SPAG6: variants seen among roughly 807,000 people sequenced by gnomAD.
SPAG6 encodes the protein sperm-associated antigen 6.
In SPAG6, 49 loss-of-function variants were observed where a neutral mutation model predicts 58.5. The observed-to-expected ratio is 0.84, with a 90% CI of 0.67 to 1.06. SPAG6 has a LOEUF of 1.06. SPAG6 is among the 50% of genes least tolerant of loss of function. The pLI, the probability that SPAG6 is intolerant of heterozygous loss-of-function variation, is 0.00. For missense variants in SPAG6, 560 were observed against 611.3 expected, an observed-to-expected ratio of 0.92 and a Z score of 0.89; for synonymous variants, 233 against 225.6, an observed-to-expected ratio of 1.03 and a Z score of -0.29.
chr10:22,368,543 C>G lies in SPAG6; in HGVS notation c.337C>G (p.His113Asp), dbSNP rs1186558213. The G allele has an allele frequency of 1.2e-6, 2 of 1,613,906 alleles. No individual in the cohort carries two copies. The highest frequency in any genetic ancestry group is 2.2e-5 in the South Asian group (2 of 91,064). ...CTTTGTGTTACGAGCAGTTGGTAAACATTCTCCCCAGCTAGCTCAGGCAAT... is the reference window on the plus strand; with the variant it reads ...CTTTGTGTTACGAGCAGTTGGTAAAGATTCTCCCCAGCTAGCTCAGGCAAT... ...AAFVLRAVGKHSPQLAQAIVD... is the reference protein window; with the variant it reads ...AAFVLRAVGKDSPQLAQAIVD... The change falls in exon 4 of 11, where the codon CAT becomes GAT. Residue 113 changes from histidine to aspartate, a missense_variant. By Grantham distance (81) the His-to-Asp change is moderately conservative (BLOSUM62 -1). Transcript: ENST00000376624.
intron 9 of SPAG6, among the ~76,000 whole-genome samples, chr10:22,404,975 T>C (rs1248960982): frequency 1.3e-5 from 2 of 151,818 alleles, no homozygotes; most frequent in South Asian, 2.1e-4. Context: ...GTGATTTTTG[T>C]ACATTGATTT....
intron 4 of SPAG6, among the ~76,000 whole-genome samples, chr10:22,374,693 T>C (rs1833778311): frequency 6.6e-6 from 1 of 151,860 alleles, no homozygotes; most frequent in Non-Finnish European, 1.5e-5. Flanking sequence ...GGAGGATCAC[T>C]TGAGCCCAGG....
chr10:22,414,074 G>A (rs927751292), intron 10 of SPAG6, among the ~76,000 whole-genome samples: 1 of 152,070 alleles, frequency 6.6e-6, no homozygotes, highest in Non-Finnish European at 1.5e-5. Context: ...TTCTGGGCCT[G>A]GCTTACTCCA....
At chr10:22,366,991 G>C (rs142365508) in intron 3 of SPAG6, among the ~76,000 whole-genome samples, 1 of 150,814 alleles carries the variant, frequency 6.6e-6, no homozygotes, top group East Asian at 1.9e-4. Context: ...GAGGTACAAA[G>C]TCCTGTGGTT....
At chr10:22,412,617 C>T in intron 10 of SPAG6, 1 of 638,808 alleles carries the variant, frequency 1.6e-6, no homozygotes, top group Non-Finnish European at 2.5e-6. Context: ...TGTCTCCAGG[C>T]TGGAGTGCAG....
At chr10:22,412,988 C>G (rs1834776695) in intron 10 of SPAG6, 1 of 149,600 alleles carries the variant, frequency 6.7e-6, no homozygotes, top group Admixed American at 6.6e-5. Flanking sequence ...GAATATGTGT[C>G]CCTTCACGAA....
At chr10:22,354,035 A>G (rs1813711075) in intron 2 of SPAG6, among the ~76,000 whole-genome samples, 1 of 152,324 alleles carries the variant, frequency 6.6e-6, no homozygotes, top group East Asian at 1.9e-4. Flanking sequence ...AGAAGAAACA[A>G]GTCTAATTAT....
At chr10:22,347,041 G>T (rs1030445080) in intron 2 of SPAG6, among the ~76,000 whole-genome samples, 15 of 151,490 alleles carry the variant, frequency 9.9e-5, no homozygotes, top group Non-Finnish European at 1.9e-4. Context: ...TTAATTGTTC[G>T]TGTGTGTGTG....
Position 22,376,259 on chromosome 10 carries a change from C to T in SPAG6, c.472+7581C>T, listed in dbSNP as rs538181235. 3.9e-5 allele frequency among the ~76,000 whole-genome samples: 6 copies of T among 151,906 alleles called. No homozygotes were observed. In the South Asian group the frequency reaches 1.2e-3, roughly 32 times the overall value. On this transcript the variant is annotated intron_variant, in intron 4 of 10. Transcript: ENST00000376624. ...GCTGAATTGAGAAATGCTGTAAGTG[C>T]AAAATACACACTAGATTCCAAGGCT...
intron 9 of SPAG6, among the ~76,000 whole-genome samples, chr10:22,405,181 G>A (rs1194480304): frequency 6.6e-6 from 1 of 152,002 alleles, no homozygotes; most frequent in African/African-American, 2.4e-5. Context: ...ATGTTGAATA[G>A]GAGTGGTGAG....
rs781476096 is a variant in SPAG6, at chr10:22,398,138, A to C, written c.1198-3023A>C. Reference sequence around the variant, plus strand: ...TGATTTTTCACAAAGATGCCAAGGCAATTTAATGTGGAAAGAATAGTCTTT... The same window carrying C: ...TGATTTTTCACAAAGATGCCAAGGCCATTTAATGTGGAAAGAATAGTCTTT... On this transcript the variant is annotated intron_variant, in intron 8 of 10. Coordinates refer to ENST00000376624, the MANE Select transcript of SPAG6 (RefSeq NM_012443.4). Among the ~76,000 whole-genome samples the C allele has an allele frequency of 3.9e-5, 6 of 152,240 alleles. 1 individual carries two copies. Among genetic ancestry groups the C allele is most frequent in the Middle Eastern group, 6.3e-3 (2 of 316 alleles).
chr10:22,362,460 G>T (rs1340382511), intron 2 of SPAG6, among the ~76,000 whole-genome samples: 2 of 151,822 alleles, frequency 1.3e-5, no homozygotes, highest in Non-Finnish European at 2.9e-5. Flanking sequence ...ATGAAGTAAG[G>T]CCAGGCACAG....
intron 9 of SPAG6, among the ~76,000 whole-genome samples, chr10:22,402,406 T>A (rs539573074): frequency 6.6e-6 from 1 of 152,230 alleles, no homozygotes; most frequent in Admixed American, 6.5e-5. Flanking sequence ...TATGTATTGT[T>A]ATAACTTTTA....
intron 2 of SPAG6, among the ~76,000 whole-genome samples, chr10:22,351,537 A>G (rs1836727287): frequency 6.6e-6 from 1 of 152,216 alleles, no homozygotes; most frequent in Non-Finnish European, 1.5e-5. Context: ...CAGGGGTAGA[A>G]TACAGTGAAG....
chr10:22,383,291 T>C (rs1794987529), intron 4 of SPAG6, among the ~76,000 whole-genome samples: 1 of 152,212 alleles, frequency 6.6e-6, no homozygotes, highest in Non-Finnish European at 1.5e-5. Context: ...AAGTGATCTT[T>C]AGGTGTGCAG....
Position 22,345,821 on chromosome 10 carries a change from G to A in SPAG6, c.121+3G>A, listed in dbSNP as rs745849814. ...CATCGAGACGCTGCAGAACGCGGGT[G>A]AGCCCGGAGCCCGAACCCCCGTCGC... is the stretch of plus-strand genomic sequence containing the variant. On this transcript the variant is annotated splice_donor_region_variant and intron_variant, in intron 2 of 10. Coordinates refer to ENST00000376624, the MANE Select transcript of SPAG6 (RefSeq NM_012443.4). This position sits in a 1 kb window ranked among gnomAD's most constrained non-coding sequence, Gnocchi z 6.3. The A allele has an allele frequency of 9.3e-6, 15 of 1,611,520 alleles. No homozygotes were observed. Among genetic ancestry groups the A allele is most frequent in the Non-Finnish European group, 1.1e-5 (13 of 1,178,958 alleles).
intron 10 of SPAG6, among the ~76,000 whole-genome samples, chr10:22,413,394 A>G (rs919038901): frequency 1.3e-5 from 2 of 152,016 alleles, no homozygotes; most frequent in South Asian, 2.1e-4. Flanking sequence ...TTAGCCTGGC[A>G]TGGTGGCGGG....
At chr10:22,395,852 C>T (rs1286919503) in intron 8 of SPAG6, among the ~76,000 whole-genome samples, 1 of 152,206 alleles carries the variant, frequency 6.6e-6, no homozygotes, top group Non-Finnish European at 1.5e-5. Context: ...GACCACAATG[C>T]TTTCAGAACA....
At chr10:22,361,790 C>T (rs1837047703) in intron 2 of SPAG6, among the ~76,000 whole-genome samples, 1 of 151,706 alleles carries the variant, frequency 6.6e-6, no homozygotes, top group Admixed American at 6.6e-5. Context: ...TTTTTAAAAT[C>T]AGGAGATTTG....
Sources: allele counts gnomAD v4.1 joint callset (sites outside exome capture counted in the v4.1 genomes callset), GRCh38; gene constraint gnomAD v4.1.1; non-coding constraint Gnocchi (gnomAD v3.1); transcripts MANE v1.5; gene names NCBI Gene and HGNC (gene_info 2026-07-23, HGNC 2026-07-21).